NOTO: variants seen among roughly 807,000 people sequenced by gnomAD.
NOTO encodes notochord homeobox.
In NOTO, 19 loss-of-function variants were observed where a neutral mutation model predicts 20.5. That is an observed-to-expected ratio of 0.93 (90% CI 0.65 to 1.36). NOTO has a LOEUF of 1.36. Among genes scored for constraint, NOTO ranks in the 40% most tolerant of loss-of-function variants. The pLI is 0.00. For missense variants in NOTO, 369 were observed against 336.2 expected (o/e 1.10, Z -0.76); for synonymous variants, 150 against 150.2 (o/e 1.00, Z 0.01).
intron 2 of NOTO, among the ~76,000 whole-genome samples, chr2:73,210,126 C>T (rs1686158096): frequency 6.6e-6 from 1 of 152,208 alleles, no homozygotes; most frequent in African/African-American, 2.4e-5. Context: ...TTATGTGGGC[C>T]CACGTAAAAG....
At position 73,210,767 on chromosome 2, in the gene NOTO, A is replaced by G; in HGVS notation, c.598-4A>G. 6.5e-7 allele frequency: 1 copy of G among 1,547,346 alleles called. No individual in the cohort carries two copies. The highest frequency in any genetic ancestry group is 1.4e-5 in the African/African-American group (1 of 73,126). ...TCTGATCTCTGCCCACTCTCCAATT[A>G]TAGGTGAGAGTCTGGTTCCAGAACC... On this transcript the variant is annotated splice_region_variant and splice_polypyrimidine_tract_variant and intron_variant, in intron 2 of 2. Coordinates refer to ENST00000398468, the MANE Select transcript of NOTO (RefSeq NM_001134462.2).
At chr2:73,208,031 G>A (rs948984506) in intron 1 of NOTO, among the ~76,000 whole-genome samples, 1 of 152,218 alleles carries the variant, frequency 6.6e-6, no homozygotes, top group East Asian at 1.9e-4. Flanking sequence ...AATTAAAAGG[G>A]TGAACCCCTG....
chr2:73,211,215 G>C lies in NOTO; in HGVS notation c.*286G>C, dbSNP rs548509001. 230 of 342,350 alleles carry C rather than the reference G, an allele frequency of 6.7e-4. No homozygotes were observed. Among genetic ancestry groups the C allele is most frequent in the African/African-American group, 4.7e-3 (223 of 47,552 alleles). The allele number at this position is 342,350 out of a possible 1,614,324, so 21.2% of individuals were successfully genotyped here. On this transcript the variant is annotated 3_prime_UTR_variant, in exon 3 of 3. Coordinates refer to ENST00000398468, the MANE Select transcript of NOTO (RefSeq NM_001134462.2). ...GCATTCATAACTTAGATCACCCAGG[G>C]GTGAGAAGATGTCTGTAAAGCAATA...
Position 73,203,040 on chromosome 2 carries a change from G to A in NOTO, c.374G>A (p.Gly125Asp). 4 of 1,397,054 alleles carry A rather than the reference G, an allele frequency of 2.9e-6. No individual in the cohort carries two copies. Among genetic ancestry groups the A allele is most frequent in the Non-Finnish European group, 3.7e-6 (4 of 1,078,878 alleles). The allele number at this position is 1,397,054 out of a possible 1,614,324, so 86.5% of individuals were successfully genotyped here. Reference protein sequence around the residue: ...VAPVCGLLGFGVTGLELAHCS... With the variant: ...VAPVCGLLGFDVTGLELAHCS... ...CCCGTCTGCGGCCTGCTGGGCTTCG[G>A]CGTCACAGGTACTGCGGTCCCGGCG... is the stretch of plus-strand genomic sequence containing the variant. The change falls in exon 1 of 3, where the codon GGC becomes GAC. Residue 125 changes from glycine to aspartate, a missense_variant. Coordinates refer to ENST00000398468, the MANE Select transcript of NOTO (RefSeq NM_001134462.2).
chr2:73,203,374 G>C (rs1205858438), intron 1 of NOTO, among the ~76,000 whole-genome samples: 1 of 152,226 alleles, frequency 6.6e-6, no homozygotes, highest in South Asian at 2.1e-4. Context: ...CCCGGTCTCC[G>C]CGTCCCTTGA....
In NOTO at chr2:73,212,320, A is replaced by T. The variant is rs1194799662; in HGVS notation, c.*1391A>T. 2 of 152,028 alleles carry T rather than the reference A, an allele frequency of 1.3e-5. No homozygotes were observed. The highest frequency in any genetic ancestry group is 4.8e-5 in the African/African-American group (2 of 41,374). The allele number at this position is 152,028 out of a possible 1,614,324, so 9.4% of individuals were successfully genotyped here. On this transcript the variant is annotated 3_prime_UTR_variant, in exon 3 of 3. Transcript: ENST00000398468. ...ACACCACGCCTGGCTAATTTTTAAC[A>T]TTTTTTGTAGAGACAACGTCCACTT...
Position 73,202,603 on chromosome 2 carries a change from T to C in NOTO, c.-64T>C. The C allele has an allele frequency of 1.5e-6, 2 of 1,377,702 alleles. No homozygotes were observed. The highest frequency in any genetic ancestry group is 1.9e-6 in the Non-Finnish European group (2 of 1,068,150). 85.3% of individuals were successfully genotyped at this position (1,377,702 alleles called of 1,614,324 possible). On this transcript the variant is annotated 5_prime_UTR_variant, in exon 1 of 3. Coordinates refer to ENST00000398468, the MANE Select transcript of NOTO (RefSeq NM_001134462.2). ...GACAACCGGTCTTGCTCGCTGCCTT[T>C]TGCAGAATCTTCTCACTTCTCCCGA...
chr2:73,208,561 G>T lies in NOTO; in HGVS notation c.544G>T (p.Val182Leu), dbSNP rs1179242575. The T allele has an allele frequency of 4.5e-6, 7 of 1,551,630 alleles. No homozygotes were observed. Among genetic ancestry groups the T allele is most frequent in the Non-Finnish European group, 6.1e-6 (7 of 1,146,978 alleles). ...EKVFAKQHNL[V>L]GKKRAQLAAR... is the part of the protein sequence containing the mutation. ...AGTGTTTGCAAAACAGCACAATCTG[G>T]TGGGGAAGAAGAGAGCCCAGCTGGC... is the stretch of plus-strand genomic sequence containing the variant. The change falls in exon 2 of 3, where the codon GTG becomes TTG. Residue 182 changes from valine (V) to leucine (L), a missense_variant. By Grantham distance (32) the Val-to-Leu change is conservative. Transcript: ENST00000398468.
intron 2 of NOTO, 49 bp downstream of exon 2, chr2:73,208,663 A>G (rs1434460965): frequency 2.7e-5 from 33 of 1,205,044 alleles, no homozygotes; most frequent in Admixed American, 9.9e-5. Flanking sequence ...GGGGACAAAC[A>G]CTACCTCAGC....
chr2:73,208,188 A>G (rs899762882), intron 1 of NOTO, among the ~76,000 whole-genome samples: 9 of 152,208 alleles, frequency 5.9e-5, no homozygotes, highest in African/African-American at 2.2e-4. Context: ...AGACAGTCTC[A>G]TTGCATTGTC....
chr2:73,210,826 G>A lies in NOTO; in HGVS notation c.653G>A (p.Arg218Lys). The change falls in exon 3 of 3, where the codon AGG becomes AAG. Residue 218 changes from arginine (R) to lysine (K), a missense_variant. By Grantham distance (26) the Arg-to-Lys change is conservative. Coordinates refer to ENST00000398468, the MANE Select transcript of NOTO (RefSeq NM_001134462.2). ...AAGTATCAGAAGCAGCAAAAGCTGA[G>A]GGCAGCAGTTACATCTGCCGAGGCT... ...RVKYQKQQKL[R>K]AAVTSAEAAS... 6.4e-7 allele frequency: 1 copy of A among 1,551,614 alleles called. No individual in the cohort carries two copies. The highest frequency in any genetic ancestry group is 8.7e-7 in the Non-Finnish European group (1 of 1,146,910).
intron 1 of NOTO, among the ~76,000 whole-genome samples, chr2:73,205,811 A>T (rs1686081646): frequency 2.0e-5 from 3 of 149,446 alleles, no homozygotes; most frequent in Non-Finnish European, 1.5e-5. Flanking sequence ...AATTTAAAAC[A>T]TTTTTTTTTG....
In NOTO at chr2:73,211,823, C is replaced by T. The variant is rs1558548999; in HGVS notation, c.*894C>T. ...AAGGTCTACCAGTCATCAGTCAACTCATTAGCATATGAAAAGACATCACTT... is the reference window on the plus strand; with the variant it reads ...AAGGTCTACCAGTCATCAGTCAACTTATTAGCATATGAAAAGACATCACTT... On this transcript the variant is annotated 3_prime_UTR_variant, in exon 3 of 3. Transcript: ENST00000398468. 1.3e-5 allele frequency: 2 copies of T among 152,146 alleles called. No individual in the cohort carries two copies. The highest frequency in any genetic ancestry group is 2.9e-5 in the Non-Finnish European group (2 of 68,046). The allele number at this position is 152,146 out of a possible 1,614,324, so 9.4% of individuals were successfully genotyped here. A position where few individuals can be genotyped will look rare whatever the true frequency, so the allele number is the denominator to read the frequency against.
chr2:73,205,263 T>A (rs72809926), intron 1 of NOTO, among the ~76,000 whole-genome samples: 38,281 of 152,130 alleles, frequency 0.25, 5,837 homozygotes, highest in African/African-American at 0.43. Flanking sequence ...TGTAACTCCC[T>A]CACTTTGGGA....
In NOTO at chr2:73,208,527, G is replaced by A. The variant is rs1328470603; in HGVS notation, c.510G>A (p.Glu170=). 5.2e-6 allele frequency: 8 copies of A among 1,551,564 alleles called. No individual in the cohort carries two copies. Among genetic ancestry groups the A allele is most frequent in the Non-Finnish European group, 6.1e-6 (7 of 1,146,966 alleles). ...TGTTTAACTTGGAGCAGCTGGAAGAGTTGGAGAAAGTGTTTGCAAAACAGC... is the reference window on the plus strand; with the variant it reads ...TGTTTAACTTGGAGCAGCTGGAAGAATTGGAGAAAGTGTTTGCAAAACAGC... ...RTMFNLEQLE[E]LEKVFAKQHN... The change falls in exon 2 of 3, where the codon GAG becomes GAA. Residue 170 remains glutamate, a synonymous_variant. Transcript: ENST00000398468.
In NOTO at chr2:73,208,449, C is replaced by T. The variant is rs1558548013; in HGVS notation, c.432C>T (p.Ala144=). ...GACTCTGGGCCTTCCCAGACTGGGC[C>T]CCAACGGAGGACCTACAGGACACTG... ...CSGLWAFPDW[A]PTEDLQDTER... Residue 144 remains alanine (A), a synonymous_variant, in exon 2 of 3, where the codon GCC becomes GCT. Coordinates refer to ENST00000398468, the MANE Select transcript of NOTO (RefSeq NM_001134462.2). 1 of 1,551,648 alleles carries T rather than the reference C, an allele frequency of 6.4e-7. No individual in the cohort carries two copies. The highest frequency in any genetic ancestry group is 1.4e-5 in the African/African-American group (1 of 73,128).
At chr2:73,208,333 T>C in intron 1 of NOTO, 67 bp from the exon 2 acceptor site, 1 of 1,093,368 alleles carries the variant, frequency 9.1e-7, no homozygotes. Context: ...CAGATGGGAG[T>C]GCAGGGGGCT....
At chr2:73,207,798 G>A (rs150168971) in intron 1 of NOTO, among the ~76,000 whole-genome samples, 11 of 152,160 alleles carry the variant, frequency 7.2e-5, no homozygotes, top group Non-Finnish European at 1.5e-4. Context: ...CAAGCGATCC[G>A]CCCCCTTCAG....
At position 73,208,389 on chromosome 2, in the gene NOTO, T is replaced by A; in HGVS notation, c.383-11T>A. On this transcript the variant is annotated splice_polypyrimidine_tract_variant and intron_variant, in intron 1 of 2. Coordinates refer to ENST00000398468, the MANE Select transcript of NOTO (RefSeq NM_001134462.2). The stretch of plus-strand genomic sequence containing the variant: ...GCTGGATAACCTCCCCTGCTGCTGG[T>A]TGCTCTTTAGGGTTGGAGCTGGCTC... 6.5e-7 allele frequency: 1 copy of A among 1,545,752 alleles called. No homozygotes were observed. Among genetic ancestry groups the A allele is most frequent in the Non-Finnish European group, 8.8e-7 (1 of 1,142,040 alleles).
Sources: gnomAD v4.1 joint callset for allele counts (sites outside exome capture counted in the v4.1 genomes callset) on GRCh38, gnomAD v4.1.1 for gene constraint, MANE v1.5 for transcripts, NCBI Gene and HGNC (gene_info 2026-07-23, HGNC 2026-07-21) for gene names.